Variants in MDGA2 observed in about 807,000 individuals in gnomAD.
MDGA2 encodes the protein MAM domain containing glycosylphosphatidylinositol anchor 2, also known as MAM domain-containing glycosylphosphatidylinositol anchor protein 2.
In MDGA2, 40 loss-of-function variants were observed where a neutral mutation model predicts 117.8. The ratio of observed to expected loss-of-function variants is 0.34; its 90% CI spans 0.26 to 0.44. The LOEUF (loss-of-function observed/expected upper bound fraction) is 0.44. MDGA2 is among the 20% of genes least tolerant of loss of function. The pLI, the probability that MDGA2 is intolerant of heterozygous loss-of-function variation, is 1.00. For missense variants in MDGA2, 1,123 were observed against 1,250.6 expected (o/e 0.90, Z 1.54); for synonymous variants, 452 against 439.0 (o/e 1.03, Z -0.37).
chr14:47,399,574 G>A (rs979037057), intron 1 of MDGA2, among the ~76,000 whole-genome samples: 3 of 152,108 alleles, frequency 2.0e-5, no homozygotes, highest in Non-Finnish European at 4.4e-5. Context: ...TGCATAGCAT[G>A]GCATGGCATC....
At chr14:47,068,488 T>A (rs990480125) in intron 6 of MDGA2, among the ~76,000 whole-genome samples, 2 of 151,480 alleles carry the variant, frequency 1.3e-5, no homozygotes, top group African/African-American at 4.8e-5. Context: ...AACATTTACA[T>A]GTGGCTACCA....
intron 1 of MDGA2, among the ~76,000 whole-genome samples, chr14:47,476,797 C>A (rs1299579027): frequency 6.6e-6 from 1 of 152,170 alleles, no homozygotes; most frequent in African/African-American, 2.4e-5. Context: ...TCAAATCTAG[C>A]ACTGAAAGCC....
At chr14:47,222,341 A>T (rs956632581) in intron 2 of MDGA2, among the ~76,000 whole-genome samples, 1 of 152,044 alleles carries the variant, frequency 6.6e-6, no homozygotes, top group African/African-American at 2.4e-5. Flanking sequence ...GTTAAAAACT[A>T]ACAGGGAGAG....
chr14:47,085,338 A>C (rs1051360212), intron 6 of MDGA2, among the ~76,000 whole-genome samples: 30 of 152,194 alleles, frequency 2.0e-4, no homozygotes, highest in African/African-American at 7.0e-4. Flanking sequence ...CATGTACAAC[A>C]ATCAAGAAAA....
chr14:47,608,706 G>A (rs1460636883), intron 1 of MDGA2, among the ~76,000 whole-genome samples: 1 of 152,106 alleles, frequency 6.6e-6, no homozygotes, highest in Non-Finnish European at 1.5e-5. Context: ...GCAGCTGAAA[G>A]ATGTAAAAGT....
chr14:47,115,061 G>A (rs1176485696), intron 5 of MDGA2, among the ~76,000 whole-genome samples: 2 of 151,498 alleles, frequency 1.3e-5, no homozygotes, highest in African/African-American at 2.4e-5. Flanking sequence ...GTGGACAAAA[G>A]GACAAAAGTG....
At chr14:46,912,202 G>T (rs1288460001) in intron 10 of MDGA2, among the ~76,000 whole-genome samples, 1 of 152,098 alleles carries the variant, frequency 6.6e-6, no homozygotes, top group African/African-American at 2.4e-5. Flanking sequence ...GCTGTACTTT[G>T]CTCATAAGCA....
At chr14:47,245,523 A>G (rs1887208531) in intron 2 of MDGA2, among the ~76,000 whole-genome samples, 1 of 151,668 alleles carries the variant, frequency 6.6e-6, no homozygotes, top group South Asian at 2.1e-4. Context: ...CAATTAATTC[A>G]TGATATGGAG....
Position 47,674,937 on chromosome 14 carries a change from G to T in MDGA2, c.-141C>A. The stretch of plus-strand genomic sequence containing the variant: ...GGAGCAGGGGGCGGTGATGGGAAGG[G>T]GAGCTGCGAGGCGAAGTGTTCTTCA... On this transcript the variant is annotated 5_prime_UTR_variant, in exon 1 of 17. Coordinates refer to ENST00000399232, the MANE Select transcript of MDGA2 (RefSeq NM_001113498.3). The T allele has an allele frequency of 2.0e-6, 1 of 500,160 alleles. No homozygotes were observed. Among genetic ancestry groups the T allele is most frequent in the Non-Finnish European group, 3.5e-6 (1 of 288,204 alleles). 31.0% of individuals were successfully genotyped at this position (500,160 alleles called of 1,614,324 possible).
chr14:47,336,525 G>A (rs1022539887), intron 1 of MDGA2, among the ~76,000 whole-genome samples: 2 of 151,874 alleles, frequency 1.3e-5, no homozygotes, highest in Non-Finnish European at 2.9e-5. Context: ...ACTTGCCCTA[G>A]ATCACAAAAC....
intron 1 of MDGA2, among the ~76,000 whole-genome samples, chr14:47,346,236 A>T (rs1014475038): frequency 2.6e-5 from 4 of 152,148 alleles, no homozygotes; most frequent in African/African-American, 7.2e-5. Context: ...ACTAAAAATT[A>T]AAAATTTAAA....
chr14:47,248,727 A>T (rs964397658), intron 2 of MDGA2, among the ~76,000 whole-genome samples: 4 of 152,174 alleles, frequency 2.6e-5, no homozygotes, highest in African/African-American at 9.7e-5. Flanking sequence ...CTAGAAAACA[A>T]AAACAGTTTG....
chr14:46,961,456 C>T (rs923703495), intron 8 of MDGA2, among the ~76,000 whole-genome samples: 2 of 152,044 alleles, frequency 1.3e-5, no homozygotes, highest in Non-Finnish European at 2.9e-5. Flanking sequence ...ATTCTTTCTC[C>T]AATCCTACTT....
chr14:46,943,905 T>C (rs747316214), intron 9 of MDGA2, among the ~76,000 whole-genome samples: 1 of 152,056 alleles, frequency 6.6e-6, no homozygotes, highest in Non-Finnish European at 1.5e-5. Flanking sequence ...CATAAACAAA[T>C]CAGGAAAGGT....
At chr14:46,914,665 T>C (rs531336655) in intron 10 of MDGA2, among the ~76,000 whole-genome samples, 51 of 152,190 alleles carry the variant, frequency 3.4e-4, no homozygotes, top group African/African-American at 1.1e-3. Context: ...ATAAGATTTC[T>C]AAAGGTTTCT....
chr14:47,003,037 C>CT (rs1887586236), intron 8 of MDGA2, among the ~76,000 whole-genome samples: 1 of 152,078 alleles, frequency 6.6e-6, no homozygotes, highest in African/African-American at 2.4e-5. Flanking sequence ...AAGAAATGAT[C>CT]TACTCTCTCT....
chr14:47,198,121 A>G (rs1885355638), intron 3 of MDGA2, among the ~76,000 whole-genome samples: 1 of 152,192 alleles, frequency 6.6e-6, no homozygotes. Flanking sequence ...TGTGCATATG[A>G]GCAATAAGTG....
intron 1 of MDGA2, among the ~76,000 whole-genome samples, chr14:47,673,132 T>A (rs984865356): frequency 6.6e-6 from 1 of 152,058 alleles, no homozygotes; most frequent in Non-Finnish European, 1.5e-5. Flanking sequence ...GTGCAGTGGG[T>A]ACCAGAGCTC....
At chr14:47,194,919 C>G (rs907344852) in intron 3 of MDGA2, among the ~76,000 whole-genome samples, 20 of 152,082 alleles carry the variant, frequency 1.3e-4, no homozygotes, top group Non-Finnish European at 2.7e-4. Flanking sequence ...GAGACAGGAC[C>G]AAATGCATTG....
Sources: gnomAD v4.1 joint callset for allele counts (sites outside exome capture counted in the v4.1 genomes callset) on GRCh38, gnomAD v4.1.1 for gene constraint, MANE v1.5 for transcripts, NCBI Gene and HGNC (gene_info 2026-07-23, HGNC 2026-07-21) for gene names.